Variants in ITGB3 observed in about 807,000 individuals in gnomAD.
The protein encoded by ITGB3 is integrin subunit beta 3.
In ITGB3, 48 loss-of-function variants were observed where a neutral mutation model predicts 85.8. The ratio of observed to expected loss-of-function variants is 0.56; its 90% CI spans 0.44 to 0.71. The LOEUF is 0.71. Among genes scored for constraint, ITGB3 ranks in the 30% least tolerant of loss-of-function variants. The probability of loss-of-function intolerance (pLI) is 0.00; values close to 1 mark genes in which losing one functional copy is unlikely to be tolerated. For synonymous variants in ITGB3, 363 were observed against 395.6 expected, an observed-to-expected ratio of 0.92 and a Z score of 0.98; for missense variants, 861 against 1,019.1, an observed-to-expected ratio of 0.84 and a Z score of 2.11.
intron 5 of ITGB3, 144 bp downstream of exon 5, chr17:47,286,566 C>G (rs2065103576): frequency 1.2e-5 from 12 of 1,018,814 alleles, no homozygotes; most frequent in Non-Finnish European, 1.5e-5. Flanking sequence ...TAAGTTGCTC[C>G]TGATATTCAG....
At chr17:47,289,582 C>G in intron 6 of ITGB3, 99 bp from the exon 7 acceptor site, 2 of 859,110 alleles carry the variant, frequency 2.3e-6, no homozygotes, top group East Asian at 2.5e-5. Context: ...TAAGCACCAC[C>G]ACACTCTGAG....
In ITGB3 at chr17:47,299,968, C is replaced by T. The variant is rs2065160021; in HGVS notation, c.1913+438C>T. On this transcript the variant is annotated intron_variant, in intron 11 of 14. Transcript: ENST00000559488. This position sits in a 1 kb window ranked among gnomAD's most constrained non-coding sequence, Gnocchi z 5.1. The stretch of plus-strand genomic sequence containing the variant: ...GTCCATGGCACTGCCATTCTGCTTA[C>T]CACTTTAAGCAGGGCCAGATTTACG... Among the ~76,000 whole-genome samples, 1 of 152,240 alleles carries T rather than the reference C, an allele frequency of 6.6e-6. No homozygotes were observed. The highest frequency in any genetic ancestry group is 1.5e-5 in the Non-Finnish European group (1 of 68,044).
chr17:47,310,550 A>G lies in ITGB3; in HGVS notation c.*346A>G. 2.6e-6 allele frequency: 1 copy of G among 384,724 alleles called. No homozygotes were observed. The highest frequency in any genetic ancestry group is 5.0e-6 in the Non-Finnish European group (1 of 199,764). 23.8% of individuals were successfully genotyped at this position (384,724 alleles called of 1,614,324 possible). A position where few individuals can be genotyped will look rare whatever the true frequency, so the allele number is the denominator to read the frequency against. On this transcript the variant is annotated 3_prime_UTR_variant, in exon 15 of 15. Transcript: ENST00000559488. Reference sequence around the variant, plus strand: ...GCAGGTGTTCTTCATTACCTCAGTGAGAAGCCAGCTTTCCTCATCAGGCCA... The same window carrying G: ...GCAGGTGTTCTTCATTACCTCAGTGGGAAGCCAGCTTTCCTCATCAGGCCA...
At position 47,283,476 on chromosome 17, in the gene ITGB3, C is replaced by T. The variant is rs370980210; in HGVS notation, c.288C>T (p.Ser96=). ...GAGTACTAGAGGACAGGCCCCTCAG[C>T]GACAAGGGCTCTGGAGACAGCTCCC... is the stretch of plus-strand genomic sequence containing the variant. ...EARVLEDRPL[S]DKGSGDSSQV... The change falls in exon 3 of 15, where the codon AGC becomes AGT. Residue 96 remains serine, a synonymous_variant. Transcript: ENST00000559488. 17 of 1,614,210 alleles carry T rather than the reference C, an allele frequency of 1.1e-5. No individual in the cohort carries two copies. Among genetic ancestry groups the T allele is most frequent in the African/African-American group, 4.0e-5 (3 of 75,042 alleles).
intron 13 of ITGB3, 60 bp from the exon 14 acceptor site, chr17:47,307,411 C>T: frequency 6.3e-7 from 1 of 1,582,630 alleles, no homozygotes; most frequent in Non-Finnish European, 8.7e-7. Flanking sequence ...TTTTTCATAG[C>T]CAGTTCAAGT....
chr17:47,271,284 C>G (rs2143059170), intron 1 of ITGB3, among the ~76,000 whole-genome samples: 1 of 152,242 alleles, frequency 6.6e-6, no homozygotes, highest in Non-Finnish European at 1.5e-5. Context: ...TCCTGTCCCC[C>G]AAGTAAGGTC....
At chr17:47,283,268 C>T in intron 2 of ITGB3, 86 bp from the exon 3 acceptor site, 1 of 1,258,414 alleles carries the variant, frequency 7.9e-7, no homozygotes, top group South Asian at 1.2e-5. Context: ...AAACTCTTAG[C>T]TATTGGGAAG....
chr17:47,266,556 C>G (rs971521143), intron 1 of ITGB3, among the ~76,000 whole-genome samples: 7 of 152,216 alleles, frequency 4.6e-5, no homozygotes, highest in South Asian at 2.1e-4. Context: ...CTTGGCTGGT[C>G]TTGATTGGAT....
intron 9 of ITGB3, among the ~76,000 whole-genome samples, chr17:47,291,771 G>T (rs1411605848): frequency 1.3e-5 from 2 of 152,238 alleles, no homozygotes; most frequent in African/African-American, 2.4e-5. Flanking sequence ...GTGCAAAATA[G>T]TGCTTTGTGC....
At position 47,300,359 on chromosome 17, in the gene ITGB3, G is replaced by GTA. The variant is rs918208535; in HGVS notation, c.1914-118_1914-117insAT. On this transcript the variant is annotated intron_variant, in intron 11 of 14. Coordinates refer to ENST00000559488, the MANE Select transcript of ITGB3 (RefSeq NM_000212.3). ...GGCGCGCGCGCGCGTGTGTGTGTGT[G>GTA]TGTGTGTGTTTTAATGGAGGTGGAG... 6.7e-6 allele frequency: 5 copies of GTA among 748,446 alleles called. No individual in the cohort carries two copies. The African/African-American group carries it at 8.6e-5, about 13-fold the overall frequency. The allele number at this position is 748,446 out of a possible 1,614,324, so 46.4% of individuals were successfully genotyped here. A position where few individuals can be genotyped will look rare whatever the true frequency, so the allele number is the denominator to read the frequency against.
In ITGB3 at chr17:47,292,556, G is replaced by A. The variant is rs1033615758; in HGVS notation, c.1678G>A (p.Glu560Lys). The change falls in exon 10 of 15, where the codon GAG becomes AAG. Residue 560 changes from glutamate (E) to lysine (K), a missense_variant. Glu to Lys is a moderately conservative substitution (Grantham distance 56). Coordinates refer to ENST00000559488, the MANE Select transcript of ITGB3 (RefSeq NM_000212.3). ...CTTCTCCTGTGTCCGCTACAAGGGG[G>A]AGATGTGCTCAGGTGAGGAGAACTG... ...DDFSCVRYKG[E>K]MCSGHGQCSC... The A allele has an allele frequency of 1.9e-6, 3 of 1,600,668 alleles. No homozygotes were observed. Among genetic ancestry groups the A allele is most frequent in the Non-Finnish European group, 2.5e-6 (3 of 1,179,918 alleles).
intron 1 of ITGB3, among the ~76,000 whole-genome samples, chr17:47,260,459 A>G (rs186180332): frequency 6.6e-6 from 1 of 152,366 alleles, no homozygotes; most frequent in Non-Finnish European, 1.5e-5. Context: ...ACTTTGCACT[A>G]GAAGAGAGCT....
chr17:47,263,159 T>C (rs1229491239), intron 1 of ITGB3, among the ~76,000 whole-genome samples: 1 of 152,208 alleles, frequency 6.6e-6, no homozygotes, highest in African/African-American at 2.4e-5. Flanking sequence ...TGCATGCTTT[T>C]TCTGCCATAT....
intron 1 of ITGB3, among the ~76,000 whole-genome samples, chr17:47,267,138 C>T (rs749057620): frequency 1.2e-4 from 18 of 152,176 alleles, no homozygotes; most frequent in Non-Finnish European, 2.1e-4. Context: ...TTATTGAGTA[C>T]TTTCTGTGTT....
chr17:47,265,579 G>A (rs1204197767), intron 1 of ITGB3, among the ~76,000 whole-genome samples: 4 of 152,152 alleles, frequency 2.6e-5, no homozygotes, highest in Non-Finnish European at 2.9e-5. Flanking sequence ...CATCAGTCAT[G>A]TTGGATTAGG....
At chr17:47,283,677 G>C (rs927065466) in intron 3 of ITGB3, 128 bp downstream of exon 3, 24 of 888,594 alleles carry the variant, frequency 2.7e-5, no homozygotes, top group South Asian at 2.4e-4. Flanking sequence ...CAAGGATGAG[G>C]GGGGAGGTGT....
At chr17:47,256,598 G>A (rs914295202) in intron 1 of ITGB3, among the ~76,000 whole-genome samples, 7 of 152,088 alleles carry the variant, frequency 4.6e-5, no homozygotes, top group Admixed American at 3.9e-4. Context: ...AGTTGTGTTG[G>A]GACTCCAAGT....
intron 2 of ITGB3, 28 bp from the exon 3 acceptor site, chr17:47,283,326 G>A: frequency 1.2e-6 from 2 of 1,612,722 alleles, no homozygotes; most frequent in Non-Finnish European, 1.7e-6. Flanking sequence ...CTGATTGCTG[G>A]ACTTCTCTTT....
At chr17:47,289,657 C>A (rs1265146977) in intron 6 of ITGB3, 24 bp from the exon 7 acceptor site, 1 of 1,534,438 alleles carries the variant, frequency 6.5e-7, no homozygotes, top group East Asian at 2.2e-5. Context: ...ACGTCATTAA[C>A]CTCTACATCC....
Sources: allele counts gnomAD v4.1 joint callset (sites outside exome capture counted in the v4.1 genomes callset), GRCh38; gene constraint gnomAD v4.1.1; non-coding constraint Gnocchi (gnomAD v3.1); transcripts MANE v1.5; gene names NCBI Gene and HGNC (gene_info 2026-07-23, HGNC 2026-07-21).